The following FOXN3 variants were observed in gnomAD, a reference collection of about 807,000 sequenced individuals.
FOXN3 encodes forkhead box protein N3.
FOXN3 carries 7 observed loss-of-function variants against 38.4 expected under a neutral mutation model. The observed-to-expected ratio is 0.18, with a 90% CI of 0.10 to 0.34. The LOEUF (loss-of-function observed/expected upper bound fraction) is 0.34. FOXN3 is among the 10% of genes least tolerant of loss of function. The pLI is 1.00. For synonymous variants in FOXN3, 230 were observed against 242.2 expected, an observed-to-expected ratio of 0.95 and a Z score of 0.47; for missense variants, 456 against 613.4, an observed-to-expected ratio of 0.74 and a Z score of 2.71.
intron 4 of FOXN3, among the ~76,000 whole-genome samples, chr14:89,275,557 A>C (rs1277694903): frequency 1.3e-5 from 2 of 152,220 alleles, no homozygotes; most frequent in African/African-American, 2.4e-5. Flanking sequence ...TCCTTCCACT[A>C]TAACTTCCTC....
chr14:89,349,646 TCCTC>T (rs1888890614), intron 3 of FOXN3: 1 of 152,636 alleles, frequency 6.6e-6, no homozygotes, highest in African/African-American at 2.4e-5. Context: ...GCCCAGCTGT[TCCTC>T]CCTGTCTCTT....
intron 2 of FOXN3, among the ~76,000 whole-genome samples, chr14:89,390,185 C>T (rs1343773679): frequency 1.3e-5 from 2 of 150,384 alleles, no homozygotes; most frequent in Non-Finnish European, 3.0e-5. Context: ...AAGGTCATGC[C>T]ACTGCACTCC....
At chr14:89,196,105 A>G (rs558563867) in intron 4 of FOXN3, among the ~76,000 whole-genome samples, 1 of 152,310 alleles carries the variant, frequency 6.6e-6, no homozygotes, top group South Asian at 2.1e-4. Flanking sequence ...TAGTTGTCTT[A>G]TCACATTGCC....
intron 4 of FOXN3, among the ~76,000 whole-genome samples, chr14:89,203,188 G>A (rs1418150409): frequency 1.3e-5 from 2 of 152,078 alleles, no homozygotes; most frequent in East Asian, 1.9e-4. Flanking sequence ...CCAGCAATAG[G>A]TACTCCAGGG....
intron 2 of FOXN3, among the ~76,000 whole-genome samples, chr14:89,385,227 A>G (rs1890759474): frequency 6.6e-6 from 1 of 152,212 alleles, no homozygotes; most frequent in South Asian, 2.1e-4. Context: ...TAAATTATAA[A>G]TGTGCCAATA....
At chr14:89,538,308 C>T (rs573351862) in intron 1 of FOXN3, among the ~76,000 whole-genome samples, 28 of 152,268 alleles carry the variant, frequency 1.8e-4, no homozygotes, top group African/African-American at 4.3e-4. Context: ...GTACCCAGAG[C>T]GCACAGATGG....
At chr14:89,193,208 T>A (rs1486202186) in intron 4 of FOXN3, among the ~76,000 whole-genome samples, 1 of 151,960 alleles carries the variant, frequency 6.6e-6, no homozygotes, top group Non-Finnish European at 1.5e-5. Flanking sequence ...GTACCCAAAG[T>A]TTTTCTCGGT....
At chr14:89,411,028 G>A (rs1252348491) in intron 2 of FOXN3, among the ~76,000 whole-genome samples, 1 of 152,236 alleles carries the variant, frequency 6.6e-6, no homozygotes, top group Non-Finnish European at 1.5e-5. Context: ...TGGTCTGTTA[G>A]GAACGGGGCT....
intron 1 of FOXN3, among the ~76,000 whole-genome samples, chr14:89,596,199 A>C (rs1596328205): frequency 6.6e-6 from 1 of 152,248 alleles, no homozygotes; most frequent in East Asian, 1.9e-4. Flanking sequence ...GTGCAGTGGC[A>C]CAATCTCGGC....
intron 1 of FOXN3, among the ~76,000 whole-genome samples, chr14:89,478,107 T>C (rs1893249541): frequency 6.6e-6 from 1 of 152,194 alleles, no homozygotes; most frequent in Admixed American, 6.5e-5. Context: ...GTCATCCCCT[T>C]GGTGATAAGT....
intron 5 of FOXN3, among the ~76,000 whole-genome samples, chr14:89,172,877 T>C (rs1887425787): frequency 6.6e-6 from 1 of 152,140 alleles, no homozygotes; most frequent in Non-Finnish European, 1.5e-5. Flanking sequence ...AAGACTTAAA[T>C]GTGAAAGCAA....
At chr14:89,357,648 T>C (rs1249901353) in intron 2 of FOXN3, among the ~76,000 whole-genome samples, 2 of 151,656 alleles carry the variant, frequency 1.3e-5, no homozygotes, top group African/African-American at 4.8e-5. Context: ...AGAAACCTGA[T>C]AAACAGCAGT....
At chr14:89,373,595 T>C (rs1184041950) in intron 2 of FOXN3, among the ~76,000 whole-genome samples, 2 of 152,216 alleles carry the variant, frequency 1.3e-5, no homozygotes, top group Non-Finnish European at 2.9e-5. Context: ...GACTAATGTC[T>C]ATGCCCTCTA....
chr14:89,565,570 T>A (rs572841471), intron 1 of FOXN3, among the ~76,000 whole-genome samples: 4 of 152,190 alleles, frequency 2.6e-5, no homozygotes, highest in Non-Finnish European at 5.9e-5. Context: ...GTGTTTGGGC[T>A]GGACGAGGCC....
At chr14:89,485,890 G>A (rs779014088) in intron 1 of FOXN3, among the ~76,000 whole-genome samples, 5 of 152,070 alleles carry the variant, frequency 3.3e-5, no homozygotes, top group Non-Finnish European at 5.9e-5. Flanking sequence ...TCTTCCTTCT[G>A]CCTGGCCAAA....
rs1487734575 is a variant in FOXN3, at chr14:89,163,087, A to G, written c.852-118T>C. On this transcript the variant is annotated intron_variant, in intron 5 of 5. Coordinates refer to ENST00000557258, the MANE Select transcript of FOXN3 (RefSeq NM_005197.4). This position sits in a 1 kb window ranked among gnomAD's most constrained non-coding sequence, Gnocchi z 4.3. Reference sequence around the variant, plus strand: ...TCAACCATCAGTCCCTTTGTGTTCAATGGAGCCACTCGCAAACTGTGGGGG... The same window carrying G: ...TCAACCATCAGTCCCTTTGTGTTCAGTGGAGCCACTCGCAAACTGTGGGGG... The G allele has an allele frequency of 1.3e-5, 13 of 968,282 alleles. No individual in the cohort carries two copies. Among genetic ancestry groups the G allele is most frequent in the Non-Finnish European group, 1.9e-5 (13 of 694,312 alleles). The allele number at this position is 968,282 out of a possible 1,614,324, so 60.0% of individuals were successfully genotyped here. A position where few individuals can be genotyped will look rare whatever the true frequency, so the allele number is the denominator to read the frequency against.
intron 1 of FOXN3, among the ~76,000 whole-genome samples, chr14:89,528,350 T>G (rs1460892866): frequency 3.5e-5 from 5 of 144,798 alleles, no homozygotes; most frequent in Non-Finnish European, 7.5e-5. Flanking sequence ...GATAGAAGTG[T>G]TCATCCATAC....
intron 1 of FOXN3, among the ~76,000 whole-genome samples, chr14:89,499,863 G>A (rs971439215): frequency 4.6e-5 from 7 of 152,070 alleles, no homozygotes; most frequent in Non-Finnish European, 1.0e-4. Context: ...TCCACGGAAG[G>A]GGAGTCATTT....
chr14:89,354,408 G>T (rs112159354), intron 2 of FOXN3, among the ~76,000 whole-genome samples: 2,851 of 149,374 alleles, frequency 0.019, 98 homozygotes, highest in African/African-American at 0.066. Flanking sequence ...GTACTTTTAG[G>T]AGAGACAGGG....
Sources: allele counts gnomAD v4.1 joint callset (sites outside exome capture counted in the v4.1 genomes callset), GRCh38; gene constraint gnomAD v4.1.1; non-coding constraint Gnocchi (gnomAD v3.1); transcripts MANE v1.5; gene names NCBI Gene and HGNC (gene_info 2026-07-23, HGNC 2026-07-21).